The following MYH11 variants were observed in gnomAD, a reference collection of about 807,000 sequenced individuals.
MYH11 encodes the protein myosin-11.
Under a neutral mutation model 246.6 loss-of-function variants are expected in MYH11, and 80 were observed. The ratio of observed to expected loss-of-function variants is 0.32; its 90% CI spans 0.27 to 0.39. The LOEUF is 0.39. MYH11 is among the 10% of genes least tolerant of loss of function. The pLI is 1.00. For synonymous variants in MYH11, 1,071 were observed against 1,015.5 expected (o/e 1.05, Z -1.04); for missense variants, 2,158 against 2,546.8 (o/e 0.85, Z 3.29).
rs1383551483 is a variant in MYH11, at chr16:15,703,796, CAGGCTGG to C, written c.*188_*194del. 1 of 733,690 alleles carries C rather than the reference CAGGCTGG, an allele frequency of 1.4e-6. No homozygotes were observed. The highest frequency in any genetic ancestry group is 1.8e-5 in the African/African-American group (1 of 56,484). 45.4% of individuals were successfully genotyped at this position (733,690 alleles called of 1,614,324 possible). On this transcript the variant is annotated 3_prime_UTR_variant, in exon 41 of 41. Transcript: ENST00000300036. ...ATAGATGAGGTTTTACTACGTTGCCCAGGCTGGAGGGTGGTGGTTTTTATATTCCTTG... is the reference window on the plus strand; with the variant it reads ...ATAGATGAGGTTTTACTACGTTGCCCAGGGTGGTGGTTTTTATATTCCTTG...
chr16:15,714,858 G>C, intron 40 of MYH11, 51 bp downstream of exon 40: 1 of 1,608,678 alleles, frequency 6.2e-7, no homozygotes, highest in Non-Finnish European at 8.5e-7. Flanking sequence ...AGCCCCCAGT[G>C]CTTTTCTCTG....
chr16:15,763,741 T>TCGGGGGGGCCCCC, intron 10 of MYH11, 55 bp downstream of exon 10: 1 of 646,856 alleles, frequency 1.5e-6, no homozygotes, highest in Non-Finnish European at 2.9e-6. Flanking sequence ...AAATGTCACC[T>TCGGGGGGGCCCCC]CCCCCACCCC....
intron 2 of MYH11, among the ~76,000 whole-genome samples, chr16:15,825,737 C>T (rs557410447): frequency 2.0e-5 from 3 of 152,176 alleles, no homozygotes; most frequent in African/African-American, 7.2e-5. Flanking sequence ...AGTCAAGGCA[C>T]AAGGCGAGTC....
intron 19 of MYH11, among the ~76,000 whole-genome samples, chr16:15,746,598 G>T (rs2041423957): frequency 6.6e-6 from 1 of 152,046 alleles, no homozygotes; most frequent in Admixed American, 6.6e-5. Context: ...ACACACCCCA[G>T]ACAGAGAGCG....
rs768298662 is a variant in MYH11 at position 15,737,487 on chromosome 16, C to G, written c.3255G>C (p.Leu1085=). ...CCTGCAGCTCCTCCTCCTTCTTGGC[C>G]AGCTGCATCTTGAGCTCTGCGATCT... ...QAQIAELKMQ[L]AKKEEELQAA... The change falls in exon 25 of 41, where the codon CTG becomes CTC. Residue 1085 remains leucine (L), a synonymous_variant. Transcript: ENST00000300036. 7 of 1,613,716 alleles carry G rather than the reference C, an allele frequency of 4.3e-6. No homozygotes were observed. The East Asian group carries it at 1.3e-4, about 31-fold the overall frequency.
At position 15,771,689 on chromosome 16, in the gene MYH11, T is replaced by C. The variant is rs374262038; in HGVS notation, c.913A>G (p.Asn305Asp). The C allele has an allele frequency of 1.2e-6, 2 of 1,614,014 alleles. No homozygotes were observed. Among genetic ancestry groups the C allele is most frequent in the Non-Finnish European group, 1.7e-6 (2 of 1,180,048 alleles). Residue 305 changes from asparagine (N) to aspartate (D), a missense_variant, in exon 9 of 41, where the codon AAC becomes GAC. Asn to Asp is a conservative substitution (Grantham distance 23). This residue lies in a region of MYH11 where 75 missense variants were observed against 70.0 expected (regional missense o/e 1.07). Transcript: ENST00000300036. ...MRSDLLLEGF[N>D]NYTFLSNGFV... ...CCATTGGAGAGGAAGGTGTAGTTGT[T>C]GAAGCCCTCCAAAAGCAAGTCACCT... is the stretch of plus-strand genomic sequence containing the variant.
chr16:15,720,745 AGAAAAC>A, intron 33 of MYH11, 88 bp downstream of exon 33: 1 of 1,328,236 alleles, frequency 7.5e-7, no homozygotes, highest in Non-Finnish European at 1.0e-6. Flanking sequence ...AAAAAAATAA[AGAAAAC>A]GAAGTTTCCA....
intron 3 of MYH11, among the ~76,000 whole-genome samples, chr16:15,812,702 G>C (rs748842441): frequency 6.7e-6 from 1 of 148,608 alleles, no homozygotes; most frequent in African/African-American, 2.5e-5. Context: ...GTGAAATCCC[G>C]TCTCCACAAA....
intron 10 of MYH11, among the ~76,000 whole-genome samples, chr16:15,762,665 C>T (rs578008758): frequency 6.6e-6 from 1 of 152,130 alleles, no homozygotes; most frequent in Non-Finnish European, 1.5e-5. Context: ...TCACTGGCCT[C>T]CCCCTAACCA....
At chr16:15,832,415 G>A (rs1024355571) in intron 2 of MYH11, among the ~76,000 whole-genome samples, 1 of 152,084 alleles carries the variant, frequency 6.6e-6, no homozygotes, top group East Asian at 1.9e-4. Flanking sequence ...GTGAACAAAA[G>A]AGGTGCCACG....
chr16:15,721,721 T>C (rs1448074686), intron 31 of MYH11, 87 bp from the exon 32 acceptor site: 20 of 1,397,352 alleles, frequency 1.4e-5, no homozygotes, highest in Non-Finnish European at 1.9e-5. Flanking sequence ...CCCTGTGTCC[T>C]GCTGAATGTA....
intron 5 of MYH11, chr16:15,782,771 C>T: frequency 2.4e-6 from 1 of 424,566 alleles, no homozygotes; most frequent in Admixed American, 3.6e-5. Context: ...CTGCCTTGCA[C>T]AATGTCGGTG....
In MYH11 at chr16:15,703,846, A is replaced by G; in HGVS notation, c.*145T>C. ...ATTCCTTGTGTGAGGGGTGTCTGTG[A>G]TATTTGGAATTTGAGAATGGATTTA... On this transcript the variant is annotated 3_prime_UTR_variant, in exon 41 of 41. Transcript: ENST00000300036. 2 of 1,133,812 alleles carry G rather than the reference A, an allele frequency of 1.8e-6. No individual in the cohort carries two copies. Among genetic ancestry groups the G allele is most frequent in the Non-Finnish European group, 2.6e-6 (2 of 757,550 alleles). The allele number at this position is 1,133,812 out of a possible 1,614,324, so 70.2% of individuals were successfully genotyped here.
At chr16:15,761,968 T>G (rs2041877333) in intron 10 of MYH11, among the ~76,000 whole-genome samples, 1 of 152,076 alleles carries the variant, frequency 6.6e-6, no homozygotes, top group Non-Finnish European at 1.5e-5. Context: ...AGGAACTTAG[T>G]TTATAGTTTA....
At chr16:15,846,098 C>G (rs1236117042) in intron 1 of MYH11, among the ~76,000 whole-genome samples, 1 of 150,512 alleles carries the variant, frequency 6.6e-6, no homozygotes, top group Non-Finnish European at 1.5e-5. Context: ...GCCTCCATCT[C>G]AAAAAAAAAG....
chr16:15,739,146 G>A (rs2041203204), intron 23 of MYH11, among the ~76,000 whole-genome samples: 1 of 151,518 alleles, frequency 6.6e-6, no homozygotes, highest in African/African-American at 2.4e-5. Flanking sequence ...GTCGCCCAGG[G>A]TGGAGTGCAG....
chr16:15,717,832 C>T (rs912867211), intron 37 of MYH11: 1 of 263,906 alleles, frequency 3.8e-6, no homozygotes, highest in Non-Finnish European at 7.4e-6. Context: ...CAGTGCCACC[C>T]AGGCTGAGCG....
intron 4 of MYH11, among the ~76,000 whole-genome samples, chr16:15,794,686 G>A (rs1222883661): frequency 6.6e-6 from 1 of 152,236 alleles, no homozygotes; most frequent in African/African-American, 2.4e-5. Context: ...GGGAGGCTGT[G>A]GATGGGGAAG....
chr16:15,803,957 T>C (rs887163909), intron 3 of MYH11, among the ~76,000 whole-genome samples: 2 of 152,200 alleles, frequency 1.3e-5, no homozygotes, highest in African/African-American at 4.8e-5. Flanking sequence ...AAGGACTCCA[T>C]GTGGGTGCTG....
Sources: allele counts gnomAD v4.1 joint callset (sites outside exome capture counted in the v4.1 genomes callset), GRCh38; gene constraint gnomAD v4.1.1; regional missense constraint gnomAD v4.1.1; transcripts MANE v1.5; gene names NCBI Gene and HGNC (gene_info 2026-07-23, HGNC 2026-07-21).